Variants in PGCKA1 observed in about 807,000 individuals in gnomAD.
The protein encoded by PGCKA1 is PDCD10 and GCKIII kinases associated 1.
the PGCKA1 span, among the ~76,000 whole-genome samples, chr4:37,576,203 C>CCATAATCATGATATTGA: frequency 6.6e-6 from 1 of 152,056 alleles, no homozygotes; most frequent in Non-Finnish European, 1.5e-5. Flanking sequence ...GATATTGATT[C>CCATAATCATGATATTGA]TTCCAATCCA....
At chr4:37,521,776 A>G in the PGCKA1 span, among the ~76,000 whole-genome samples, 3 of 152,210 alleles carry the variant, frequency 2.0e-5, no homozygotes, top group African/African-American at 7.2e-5. Flanking sequence ...CAATGCTGAA[A>G]GCGGGATGTT....
the PGCKA1 span, among the ~76,000 whole-genome samples, chr4:37,481,672 A>C: frequency 6.6e-6 from 1 of 152,100 alleles, no homozygotes; most frequent in Admixed American, 6.5e-5. Context: ...TTTAAGACCT[A>C]TCCTAATGGC....
At chr4:37,544,987 C>A in the PGCKA1 span, among the ~76,000 whole-genome samples, 1 of 151,932 alleles carries the variant, frequency 6.6e-6, no homozygotes, top group Non-Finnish European at 1.5e-5. Context: ...TCCCAAGTAG[C>A]TGGAATTACA....
the PGCKA1 span, among the ~76,000 whole-genome samples, chr4:37,515,812 T>A: frequency 6.6e-6 from 1 of 152,326 alleles, no homozygotes; most frequent in African/African-American, 2.4e-5. Flanking sequence ...TAAAAATAAC[T>A]GAGCAAAATG....
At chr4:37,562,299 G>A in the PGCKA1 span, among the ~76,000 whole-genome samples, 27,255 of 152,148 alleles carry the variant, frequency 0.18, 3,095 homozygotes, top group Non-Finnish European at 0.24. Flanking sequence ...AAAGCATATC[G>A]ATGAACACCA....
chr4:37,572,613 G>A, the PGCKA1 span, among the ~76,000 whole-genome samples: 4 of 152,122 alleles, frequency 2.6e-5, no homozygotes, highest in Non-Finnish European at 5.9e-5. Flanking sequence ...CAAAATGCTT[G>A]AGAACAGAAA....
the PGCKA1 span, among the ~76,000 whole-genome samples, chr4:37,560,796 G>A: frequency 6.9e-6 from 1 of 144,756 alleles, no homozygotes; most frequent in East Asian, 2.1e-4. Context: ...TTCTTCATTA[G>A]TGATCTTGAC....
the PGCKA1 span, among the ~76,000 whole-genome samples, chr4:37,530,909 C>T: frequency 9.5e-4 from 145 of 151,996 alleles, no homozygotes; most frequent in Middle Eastern, 0.024. Context: ...GGTTTGAACC[C>T]GGGAGGCAGA....
At chr4:37,488,731 G>A in the PGCKA1 span, among the ~76,000 whole-genome samples, 2 of 151,994 alleles carry the variant, frequency 1.3e-5, no homozygotes, top group South Asian at 4.2e-4. Context: ...ATCACCTCTG[G>A]CCTGCTGATA....
chr4:37,507,995 G>GT, the PGCKA1 span, among the ~76,000 whole-genome samples: 1 of 152,152 alleles, frequency 6.6e-6, no homozygotes, highest in Admixed American at 6.5e-5. Flanking sequence ...CCTTAAACAT[G>GT]TCATGCCCTC....
the PGCKA1 span, among the ~76,000 whole-genome samples, chr4:37,550,264 C>A: frequency 6.6e-6 from 1 of 151,938 alleles, no homozygotes; most frequent in Admixed American, 6.6e-5. Context: ...AGAGGGGTCC[C>A]CAAACATGTA....
chr4:37,547,194 C>T, the PGCKA1 span, among the ~76,000 whole-genome samples: 144 of 150,606 alleles, frequency 9.6e-4, no homozygotes, highest in Middle Eastern at 3.5e-3. Flanking sequence ...CTTCTCCATT[C>T]GAGTGGAAGC....
At chr4:37,465,855 A>G in the PGCKA1 span, among the ~76,000 whole-genome samples, 1 of 152,130 alleles carries the variant, frequency 6.6e-6, no homozygotes, top group Non-Finnish European at 1.5e-5. Context: ...GGTTTCTCCA[A>G]CTGTATCTTC....
chr4:37,479,078 G>C, the PGCKA1 span, among the ~76,000 whole-genome samples: 1 of 152,198 alleles, frequency 6.6e-6, no homozygotes, highest in Admixed American at 6.5e-5. Flanking sequence ...CATATCTACA[G>C]AGCAGCATTT....
the PGCKA1 span, among the ~76,000 whole-genome samples, chr4:37,520,368 A>G: frequency 6.6e-6 from 1 of 152,182 alleles, no homozygotes; most frequent in Non-Finnish European, 1.5e-5. Context: ...GAATTACAGT[A>G]GTGAAGCCAT....
the PGCKA1 span, among the ~76,000 whole-genome samples, chr4:37,560,159 A>G: frequency 0.037 from 5,605 of 152,296 alleles, 267 homozygotes; most frequent in East Asian, 0.14. Context: ...AGACACTAAT[A>G]TGCCAATGCC....
the PGCKA1 span, among the ~76,000 whole-genome samples, chr4:37,555,760 T>C: frequency 6.6e-6 from 1 of 152,190 alleles, no homozygotes; most frequent in Non-Finnish European, 1.5e-5. Flanking sequence ...TGTAGAGCCC[T>C]GTACCTCAAA....
At chr4:37,459,875 G>A in the PGCKA1 span, among the ~76,000 whole-genome samples, 8 of 148,736 alleles carry the variant, frequency 5.4e-5, no homozygotes, top group East Asian at 3.9e-4. Context: ...TGTGCAGAAC[G>A]TGCAGGTTTG....
the PGCKA1 span, among the ~76,000 whole-genome samples, chr4:37,546,858 G>A: frequency 6.6e-6 from 1 of 152,256 alleles, no homozygotes; most frequent in Non-Finnish European, 1.5e-5. Flanking sequence ...GCACGTAGCA[G>A]GCCCCTGCAG....
Sources: gnomAD v4.1 joint callset for allele counts (sites outside exome capture counted in the v4.1 genomes callset) on GRCh38, gnomAD v4.1.1 for gene constraint, MANE v1.5 for transcripts, NCBI Gene and HGNC (gene_info 2026-07-23, HGNC 2026-07-21) for gene names.